CIMIP2B: variants seen among roughly 807,000 people sequenced by gnomAD.
CIMIP2B encodes the protein family with sequence similarity 166 member B.
chr9:35,561,934 C>CCCAAA, the CIMIP2B span: 1 of 498,772 alleles, frequency 2.0e-6, no homozygotes, highest in Admixed American at 2.6e-5. Flanking sequence ...CCCACCCTCC[C>CCCAAA]ACCCACCTCT....
chr9:35,562,088 C>CTT, the CIMIP2B span: 55 of 1,532,638 alleles, frequency 3.6e-5, no homozygotes, highest in East Asian at 8.1e-4. Flanking sequence ...CAAACTGGAA[C>CTT]TTATACCCTG....
At chr9:35,563,806 A>G in the CIMIP2B span, 1 of 1,614,010 alleles carries the variant, frequency 6.2e-7, no homozygotes, top group Non-Finnish European at 8.5e-7. Flanking sequence ...GAGCCCTGGT[A>G]TGAAGGTGCT....
the CIMIP2B span, chr9:35,561,994 G>A: frequency 2.8e-4 from 358 of 1,295,430 alleles, 5 homozygotes; most frequent in Middle Eastern, 5.5e-3. Context: ...AAGGGAACTT[G>A]ATGTCCAGTG....
the CIMIP2B span, chr9:35,562,439 A>C: frequency 1.3e-6 from 2 of 1,574,684 alleles, no homozygotes; most frequent in East Asian, 2.3e-5. Context: ...TGTTCTGGGA[A>C]GTGGGGGGAG....
the CIMIP2B span, chr9:35,562,639 C>T: frequency 6.2e-7 from 1 of 1,612,982 alleles, no homozygotes; most frequent in Admixed American, 1.7e-5. Flanking sequence ...CCTGACCCCC[C>T]AGCTCTCACC....
chr9:35,563,282 T>C, the CIMIP2B span: 1 of 1,613,936 alleles, frequency 6.2e-7, no homozygotes, highest in East Asian at 2.2e-5. Context: ...AAGTGTGCGG[T>C]GGACAGGGGG....
chr9:35,563,662 C>G, the CIMIP2B span: 1 of 1,136,942 alleles, frequency 8.8e-7, no homozygotes, highest in Non-Finnish European at 1.3e-6. Context: ...CCTCAGCCTC[C>G]CAAACCAACC....
At chr9:35,562,613 T>TC in the CIMIP2B span, 1 of 1,611,334 alleles carries the variant, frequency 6.2e-7, no homozygotes, top group Non-Finnish European at 8.5e-7. Context: ...TCCTGGGGCC[T>TC]CCCCACGCCT....
At chr9:35,563,251 T>C in the CIMIP2B span, 1 of 1,613,928 alleles carries the variant, frequency 6.2e-7, no homozygotes, top group Non-Finnish European at 8.5e-7. Flanking sequence ...CAGGAGATCT[T>C]GGAGGCCGAA....
chr9:35,561,929 C>A, the CIMIP2B span: 2 of 451,912 alleles, frequency 4.4e-6, 1 homozygote, highest in East Asian at 1.1e-4. Context: ...ACCCTCCCAC[C>A]CTCCCACCCA....
At chr9:35,562,113 T>C in the CIMIP2B span, 12 of 1,507,172 alleles carry the variant, frequency 8.0e-6, 1 homozygote, top group South Asian at 1.5e-4. Context: ...GCCAAGAGAG[T>C]CTGTCACATG....
At chr9:35,563,221 TAG>T in the CIMIP2B span, 1 of 1,613,916 alleles carries the variant, frequency 6.2e-7, no homozygotes, top group Admixed American at 1.7e-5. Context: ...GCCTGACAGG[TAG>T]ACTCTCCCTG....
the CIMIP2B span, chr9:35,561,922 C>T: frequency 0.028 from 4,430 of 155,860 alleles, 74 homozygotes; most frequent in Admixed American, 0.044. Context: ...TTCCCCCACC[C>T]TCCCACCCTC....
chr9:35,562,612 C>T, the CIMIP2B span: 2 of 1,611,358 alleles, frequency 1.2e-6, no homozygotes, highest in Non-Finnish European at 8.5e-7. Flanking sequence ...ATCCTGGGGC[C>T]TCCCCACGCC....
the CIMIP2B span, chr9:35,563,788 T>C: frequency 1.9e-6 from 3 of 1,614,032 alleles, no homozygotes; most frequent in East Asian, 6.7e-5. Context: ...ATGAGGGTTC[T>C]GAGGGTTGAG....
the CIMIP2B span, chr9:35,562,397 T>G: frequency 6.8e-7 from 1 of 1,479,168 alleles, no homozygotes; most frequent in South Asian, 1.4e-5. Context: ...GTAGCCCCCA[T>G]AGTTAGGTAA....
the CIMIP2B span, chr9:35,561,996 TG>T: frequency 7.6e-7 from 1 of 1,323,578 alleles, no homozygotes. Flanking sequence ...GGGAACTTGA[TG>T]TCCAGTGGCC....
the CIMIP2B span, chr9:35,562,299 C>A: frequency 5.6e-6 from 7 of 1,259,238 alleles, no homozygotes; most frequent in Non-Finnish European, 7.5e-6. Flanking sequence ...TAGTTTCAAC[C>A]CCCACAAACC....
the CIMIP2B span, chr9:35,563,225 C>CT: frequency 1.4e-4 from 231 of 1,614,010 alleles, no homozygotes; most frequent in African/African-American, 2.7e-3. Flanking sequence ...GACAGGTAGA[C>CT]TCTCCCTGGG....
Sources: allele counts gnomAD v4.1 joint callset, GRCh38; gene constraint gnomAD v4.1.1; transcripts MANE v1.5; gene names NCBI Gene and HGNC (gene_info 2026-07-23, HGNC 2026-07-21).